The following INTS14 variants were observed in gnomAD, a reference collection of about 807,000 sequenced individuals.
The protein encoded by INTS14 is UPF0464 protein C15orf44.
In INTS14, 27 loss-of-function variants were observed where a neutral mutation model predicts 56.9. The observed-to-expected ratio is 0.47, with a 90% CI of 0.35 to 0.65. The LOEUF (loss-of-function observed/expected upper bound fraction) is 0.65. INTS14 is among the 30% of genes least tolerant of loss of function. The pLI, the probability that INTS14 is intolerant of heterozygous loss-of-function variation, is 0.00. For synonymous variants in INTS14, 207 were observed against 236.2 expected, an observed-to-expected ratio of 0.88 and a Z score of 1.13; for missense variants, 517 against 632.2, an observed-to-expected ratio of 0.82 and a Z score of 1.95.
At position 65,600,032 on chromosome 15, in the gene INTS14, C is replaced by T. The variant is rs2073370915; in HGVS notation, c.331-103G>A. The T allele has an allele frequency of 5.4e-6, 7 of 1,296,290 alleles. No individual in the cohort carries two copies. The South Asian group carries it at 1.1e-4, about 20-fold the overall frequency. 80.3% of individuals were successfully genotyped at this position (1,296,290 alleles called of 1,614,324 possible). Reference sequence around the variant, plus strand: ...TGCTAGAAAGGGGCACCAGGGCTGGCTATGGTGGCTCAAGCCTGTAATCCC... The same window carrying T: ...TGCTAGAAAGGGGCACCAGGGCTGGTTATGGTGGCTCAAGCCTGTAATCCC... On this transcript the variant is annotated intron_variant, in intron 3 of 11. Coordinates refer to ENST00000313182, the MANE Select transcript of INTS14 (RefSeq NM_001394796.1).
rs117497753 is a variant in INTS14, at chr15:65,601,631, G to A, written c.331-1702C>T. ...GCTGGGATTACAGGCGTGAGCCACCGCGCCCGGCCCTTAAGGCAGTATTAA... is the reference window on the plus strand; with the variant it reads ...GCTGGGATTACAGGCGTGAGCCACCACGCCCGGCCCTTAAGGCAGTATTAA... On this transcript the variant is annotated intron_variant, in intron 3 of 11. Coordinates refer to ENST00000313182, the MANE Select transcript of INTS14 (RefSeq NM_001394796.1). Among the ~76,000 whole-genome samples, 267 of 152,110 alleles carry A rather than the reference G, an allele frequency of 1.8e-3. 1 individual carries two copies. The highest frequency in any genetic ancestry group is 6.0e-3 in the African/African-American group (248 of 41,528).
intron 8 of INTS14, 109 bp downstream of exon 8, chr15:65,593,318 GA>G: frequency 1.0e-5 from 14 of 1,350,130 alleles, no homozygotes; most frequent in South Asian, 4.6e-5. Flanking sequence ...GCAGGAAAAG[GA>G]AAAAGGTGAC....
At chr15:65,595,709 C>T (rs762422732) in intron 7 of INTS14, 24 bp downstream of exon 7, 13 of 1,549,960 alleles carry the variant, frequency 8.4e-6, no homozygotes, top group East Asian at 4.6e-5. Context: ...ACGCTTCAGA[C>T]GTATCAGTGG....
intron 2 of INTS14, among the ~76,000 whole-genome samples, 157 bp downstream of exon 2, chr15:65,607,002 C>G (rs1009897570): frequency 4.6e-5 from 7 of 152,170 alleles, no homozygotes; most frequent in African/African-American, 1.7e-4. Flanking sequence ...GGCATAAGAC[C>G]TACTGGTTGT....
At chr15:65,603,833 A>G (rs1190735292) in intron 3 of INTS14, among the ~76,000 whole-genome samples, 1 of 152,222 alleles carries the variant, frequency 6.6e-6, no homozygotes, top group African/African-American at 2.4e-5. Context: ...CTTTCATGCT[A>G]TAACAGCAGA....
rs970138011 is a variant in INTS14 at position 65,584,785 on chromosome 15, T to A, written c.1224A>T (p.Lys408Asn). ...SYAQNVTVWI[K>N]PSGLQTDVQK... is the part of the protein sequence containing the mutation. ...GTAATGTTACCTGCAGGCCGCTGGG[T>A]TTGATCCAGACAGTCACATTCTGGG... The change falls in exon 10 of 12, where the codon AAA becomes AAT. Residue 408 changes from lysine to asparagine, a missense_variant. By Grantham distance (94) the Lys-to-Asn change is moderately conservative. Transcript: ENST00000313182. 1 of 1,612,494 alleles carries A rather than the reference T, an allele frequency of 6.2e-7. No individual in the cohort carries two copies. Among genetic ancestry groups the A allele is most frequent in the African/African-American group, 1.3e-5 (1 of 74,920 alleles).
chr15:65,594,528 G>T (rs2073142060), intron 7 of INTS14, among the ~76,000 whole-genome samples: 1 of 149,480 alleles, frequency 6.7e-6, no homozygotes, highest in Non-Finnish European at 1.5e-5. Flanking sequence ...GAGTAGCTGG[G>T]ACTACAGGCG....
At chr15:65,593,616 A>AAAACCCC in intron 7 of INTS14, 44 bp from the exon 8 acceptor site, 1 of 1,591,938 alleles carries the variant, frequency 6.3e-7, no homozygotes, top group Non-Finnish European at 8.5e-7. Flanking sequence ...ATTACCTACA[A>AAAACCCC]AAACCCCAAA....
rs371571075 is a variant in INTS14 at position 65,607,237 on chromosome 15, A to C, written c.144T>G (p.Leu48=). The change falls in exon 2 of 12, where the codon CTT becomes CTG. Residue 48 remains leucine, a synonymous_variant. Transcript: ENST00000313182. ...LFEHMATNYK[L]EFTALVVFSS... is the part of the protein sequence containing the mutation. ...AAAAAACCACAAGTGCTGTAAATTC[A>C]AGCTTGTAATTTGTGGCCATGTGCT... 7 of 1,614,116 alleles carry C rather than the reference A, an allele frequency of 4.3e-6. No individual in the cohort carries two copies. Among genetic ancestry groups the C allele is most frequent in the Non-Finnish European group, 5.9e-6 (7 of 1,180,048 alleles).
In INTS14 at chr15:65,599,803, A is replaced by G. The variant is rs1205184541; in HGVS notation, c.457T>C (p.Tyr153His). 2.5e-6 allele frequency: 4 copies of G among 1,614,060 alleles called. No individual in the cohort carries two copies. The highest frequency in any genetic ancestry group is 2.7e-5 in the African/African-American group (2 of 74,916). The change falls in exon 4 of 12, where the codon TAT becomes CAT. Residue 153 changes from tyrosine (Y) to histidine (H), a missense_variant. By Grantham distance (83) the Tyr-to-His change is moderately conservative. Transcript: ENST00000313182. ...TCCAAATTCGCCATGCACATGATATATAACTTAGATGGGAAAGGAAAAGGT... is the reference window on the plus strand; with the variant it reads ...TCCAAATTCGCCATGCACATGATATGTAACTTAGATGGGAAAGGAAAAGGT... ...PLPFPFPSKL[Y>H]IMCMANLEEL...
intron 3 of INTS14, among the ~76,000 whole-genome samples, chr15:65,600,258 C>A (rs1321182559): frequency 6.8e-6 from 1 of 146,382 alleles, no homozygotes; most frequent in African/African-American, 2.5e-5. Flanking sequence ...CTGCAGTGAG[C>A]CATGGTCACA....
At chr15:65,593,117 A>G (rs946027257) in intron 8 of INTS14, among the ~76,000 whole-genome samples, 2 of 150,570 alleles carry the variant, frequency 1.3e-5, no homozygotes, top group African/African-American at 4.9e-5. Flanking sequence ...AAAAAAAATT[A>G]GCCAGGCATG....
chr15:65,579,270 A>G lies in INTS14; in HGVS notation c.*138T>C, dbSNP rs543017461. The G allele has an allele frequency of 1.9e-4, 243 of 1,257,144 alleles. No homozygotes were observed. Among genetic ancestry groups the G allele is most frequent in the Non-Finnish European group, 2.2e-4 (197 of 912,870 alleles). 77.9% of individuals were successfully genotyped at this position (1,257,144 alleles called of 1,614,324 possible). A position where few individuals can be genotyped will look rare whatever the true frequency, so the allele number is the denominator to read the frequency against. On this transcript the variant is annotated 3_prime_UTR_variant, in exon 12 of 12. Coordinates refer to ENST00000313182, the MANE Select transcript of INTS14 (RefSeq NM_001394796.1). Reference sequence around the variant, plus strand: ...CTTCTCATACTAGTAGAGTCATTCAAAACAGCAAGTGGTGCTTCTGAGGCA... The same window carrying G: ...CTTCTCATACTAGTAGAGTCATTCAGAACAGCAAGTGGTGCTTCTGAGGCA...
chr15:65,579,385 A>G lies in INTS14; in HGVS notation c.*23T>C. 1 of 1,598,950 alleles carries G rather than the reference A, an allele frequency of 6.3e-7. No individual in the cohort carries two copies. The highest frequency in any genetic ancestry group is 8.6e-7 in the Non-Finnish European group (1 of 1,168,634). The stretch of plus-strand genomic sequence containing the variant: ...GCATTTTCAGTTGAAATGAAAAAAG[A>G]AGGAAAGCTCCAAAAGTCAGTTTCA... On this transcript the variant is annotated 3_prime_UTR_variant, in exon 12 of 12. Coordinates refer to ENST00000313182, the MANE Select transcript of INTS14 (RefSeq NM_001394796.1).
intron 9 of INTS14, chr15:65,586,650 A>G (rs961917109): frequency 6.6e-6 from 1 of 152,222 alleles, no homozygotes; most frequent in African/African-American, 2.4e-5. Flanking sequence ...TACATTTATG[A>G]AAGAAGAAAT....
At chr15:65,593,267 C>CA (rs142683067) in intron 8 of INTS14, among the ~76,000 whole-genome samples, 161 bp downstream of exon 8, 8,891 of 148,866 alleles carry the variant, frequency 0.06, 875 homozygotes, top group African/African-American at 0.21. Flanking sequence ...TCAAAAAAAA[C>CA]AAAAAAAAAG....
intron 9 of INTS14, among the ~76,000 whole-genome samples, chr15:65,585,392 T>C (rs1456432709): frequency 6.6e-6 from 1 of 152,194 alleles, no homozygotes; most frequent in African/African-American, 2.4e-5. Flanking sequence ...TTAAATTTAA[T>C]GTGGCTAGTA....
chr15:65,608,021 G>A (rs981935377), intron 1 of INTS14, among the ~76,000 whole-genome samples: 2 of 152,316 alleles, frequency 1.3e-5, no homozygotes, highest in East Asian at 3.9e-4. Context: ...AGCCTCAGTA[G>A]TATTCATTGT....
At chr15:65,604,078 C>A (rs2073546899) in intron 3 of INTS14, among the ~76,000 whole-genome samples, 1 of 152,136 alleles carries the variant, frequency 6.6e-6, no homozygotes, top group African/African-American at 2.4e-5. Flanking sequence ...TAAAGAGCAA[C>A]AGACTTTATG....
Sources: allele counts gnomAD v4.1 joint callset (sites outside exome capture counted in the v4.1 genomes callset), GRCh38; gene constraint gnomAD v4.1.1; transcripts MANE v1.5; gene names NCBI Gene and HGNC (gene_info 2026-07-23, HGNC 2026-07-21).